The following SBF2 variants were observed in gnomAD, a reference collection of about 807,000 sequenced individuals.
The protein encoded by SBF2 is SET binding factor 2.
SBF2 carries 112 observed loss-of-function variants against 225.2 expected under a neutral mutation model. The ratio of observed to expected loss-of-function variants is 0.50; its 90% CI spans 0.43 to 0.58. The LOEUF (loss-of-function observed/expected upper bound fraction) is 0.58, where lower values mean the gene tolerates loss of function less well. SBF2 is among the 20% of genes least tolerant of loss of function. SBF2 has a pLI of 0.00. For missense variants in SBF2, 1,996 were observed against 2,206.2 expected (o/e 0.90, Z 1.91); for synonymous variants, 763 against 773.3 (o/e 0.99, Z 0.22).
chr11:9,825,374 C>T (rs1855003957), intron 28 of SBF2, among the ~76,000 whole-genome samples: 1 of 152,184 alleles, frequency 6.6e-6, no homozygotes, highest in African/African-American at 2.4e-5. Context: ...GAACCAACTC[C>T]CTGACACCCT....
At chr11:9,828,192 T>C (rs1472609296) in intron 28 of SBF2, 6 of 1,289,670 alleles carry the variant, frequency 4.7e-6, no homozygotes, top group Non-Finnish European at 6.1e-6. Flanking sequence ...TTAAGCACAG[T>C]GGACATTCTT....
At chr11:9,864,914 T>C (rs1292439474) in intron 17 of SBF2, among the ~76,000 whole-genome samples, 2 of 152,062 alleles carry the variant, frequency 1.3e-5, no homozygotes, top group African/African-American at 2.4e-5. Flanking sequence ...CCAGTTTTTA[T>C]TTATTTTTTT....
chr11:10,087,248 T>C (rs1951604838), intron 2 of SBF2, among the ~76,000 whole-genome samples: 1 of 152,200 alleles, frequency 6.6e-6, no homozygotes, highest in South Asian at 2.1e-4. Flanking sequence ...CAGGCTGCTT[T>C]TCAATCTGAA....
intron 2 of SBF2, among the ~76,000 whole-genome samples, chr11:10,118,605 C>A (rs1953279605): frequency 6.6e-6 from 1 of 151,890 alleles, no homozygotes; most frequent in South Asian, 2.1e-4. Flanking sequence ...ACCATATATC[C>A]TCTTTCTAAT....
At chr11:9,993,134 T>A in intron 10 of SBF2, 31 bp from the exon 11 acceptor site, 1 of 1,507,378 alleles carries the variant, frequency 6.6e-7, no homozygotes, top group Non-Finnish European at 9.2e-7. Flanking sequence ...GTTAGGTAAT[T>A]TAACTTTTTA....
intron 2 of SBF2, among the ~76,000 whole-genome samples, chr11:10,185,091 T>C (rs1956880624): frequency 6.7e-6 from 1 of 149,754 alleles, no homozygotes; most frequent in Admixed American, 6.6e-5. Flanking sequence ...TCTTCCTTTT[T>C]AAGGCTGAAT....
At chr11:9,901,288 G>A (rs986324721) in intron 16 of SBF2, among the ~76,000 whole-genome samples, 1 of 152,170 alleles carries the variant, frequency 6.6e-6, no homozygotes, top group Non-Finnish European at 1.5e-5. Flanking sequence ...TTTAGTATTA[G>A]TTGTGAACTC....
chr11:9,942,995 G>GAA (rs1344391109), intron 16 of SBF2, among the ~76,000 whole-genome samples: 4 of 147,078 alleles, frequency 2.7e-5, no homozygotes, highest in African/African-American at 9.8e-5. Flanking sequence ...AAGAAAGAAA[G>GAA]AAAGAAAGAA....
At chr11:9,948,201 C>T (rs1281307893) in intron 16 of SBF2, among the ~76,000 whole-genome samples, 1 of 151,764 alleles carries the variant, frequency 6.6e-6, no homozygotes, top group Non-Finnish European at 1.5e-5. Context: ...ATATTAAGTA[C>T]TTAGGGTAGC....
chr11:10,012,234 C>A (rs1297517296), intron 6 of SBF2, among the ~76,000 whole-genome samples: 1 of 152,202 alleles, frequency 6.6e-6, no homozygotes. Context: ...CAGCCCCAGC[C>A]TTCTGGGCTC....
chr11:10,279,355 G>A (rs1963232987), intron 1 of SBF2, among the ~76,000 whole-genome samples: 1 of 150,424 alleles, frequency 6.6e-6, no homozygotes. Flanking sequence ...GGAGGTTGTA[G>A]TGAGCTGAGG....
Position 10,272,045 on chromosome 11 carries a change from TC to T in SBF2, c.55+21969del, listed in dbSNP as rs1962523795. ...GAAGGCATTCCTCAGCAAACTTCTCTCGAGTCTTCAGAGTAAAGCACAGGAT... is the reference window on the plus strand; with the variant it reads ...GAAGGCATTCCTCAGCAAACTTCTCTGAGTCTTCAGAGTAAAGCACAGGAT... On this transcript the variant is annotated intron_variant, in intron 1 of 39. Transcript: ENST00000256190. The T allele has an allele frequency of 1.6e-5, 18 of 1,132,126 alleles. 6 individuals carry two copies. Among genetic ancestry groups the T allele is most frequent in the South Asian group, 3.0e-5 (2 of 66,106 alleles). 70.1% of individuals were successfully genotyped at this position (1,132,126 alleles called of 1,614,324 possible). A position where few individuals can be genotyped will look rare whatever the true frequency, so the allele number is the denominator to read the frequency against.
At chr11:9,800,242 A>G (rs77650954) in intron 32 of SBF2, among the ~76,000 whole-genome samples, 8 of 148,816 alleles carry the variant, frequency 5.4e-5, no homozygotes, top group Admixed American at 4.0e-4. Flanking sequence ...ATCCTAAAGG[A>G]AAAAAAAAAG....
intron 2 of SBF2, among the ~76,000 whole-genome samples, chr11:10,122,221 C>T (rs182421276): frequency 2.0e-5 from 3 of 152,280 alleles, no homozygotes; most frequent in Admixed American, 6.5e-5. Context: ...TGCTGTCACA[C>T]CTCAAACTGC....
chr11:10,022,592 A>T (rs1349854680), intron 6 of SBF2, among the ~76,000 whole-genome samples: 1 of 151,740 alleles, frequency 6.6e-6, no homozygotes, highest in Non-Finnish European at 1.5e-5. Flanking sequence ...AGCCCCTTTT[A>T]TGTACCCACC....
chr11:9,900,506 C>T (rs572005758), intron 16 of SBF2, among the ~76,000 whole-genome samples: 7 of 152,104 alleles, frequency 4.6e-5, no homozygotes, highest in African/African-American at 1.7e-4. Context: ...TTAGCCTGTG[C>T]GGTCTAACCC....
rs1234784149 is a variant in SBF2, at chr11:9,778,901, AGCTG to A, written c.*1513_*1516del. 7 of 152,698 alleles carry A rather than the reference AGCTG, an allele frequency of 4.6e-5. No individual in the cohort carries two copies. Among genetic ancestry groups the A allele is most frequent in the Non-Finnish European group, 1.0e-4 (7 of 68,048 alleles). The allele number at this position is 152,698 out of a possible 1,614,324, so 9.5% of individuals were successfully genotyped here. On this transcript the variant is annotated 3_prime_UTR_variant, in exon 40 of 40. Transcript: ENST00000256190. Reference sequence around the variant, plus strand: ...AGAAGCACTGTGTATAGTCTCAAATAGCTGAAGGTACAATGGGCTCCATATTTTA... The same window carrying A: ...AGAAGCACTGTGTATAGTCTCAAATAAAGGTACAATGGGCTCCATATTTTA...
chr11:9,871,510 T>TATTTG lies in SBF2; in HGVS notation c.1930-13115_1930-13114insCAAAT, dbSNP rs1215758933. Among the ~76,000 whole-genome samples, 109 of 149,258 alleles carry TATTTG rather than the reference T, an allele frequency of 7.3e-4. 1 individual carries two copies. Among genetic ancestry groups the TATTTG allele is most frequent in the Non-Finnish European group, 1.5e-3 (98 of 67,490 alleles). On this transcript the variant is annotated intron_variant, in intron 17 of 39. Transcript: ENST00000256190. Reference sequence around the variant, plus strand: ...ATTATTATTATTATTATTATTATTTTGAGATGAGTCTCACTCTGTTGCCCA... The same window carrying TATTTG: ...ATTATTATTATTATTATTATTATTTTATTTGGAGATGAGTCTCACTCTGTTGCCCA...
chr11:9,820,526 T>C (rs534057801), intron 28 of SBF2, among the ~76,000 whole-genome samples: 4 of 152,340 alleles, frequency 2.6e-5, no homozygotes, highest in East Asian at 1.9e-4. Flanking sequence ...ACAGTGATGC[T>C]TGAGTAGTTC....
Sources: gnomAD v4.1 joint callset for allele counts (sites outside exome capture counted in the v4.1 genomes callset) on GRCh38, gnomAD v4.1.1 for gene constraint, MANE v1.5 for transcripts, NCBI Gene and HGNC (gene_info 2026-07-23, HGNC 2026-07-21) for gene names.